Variants in LDLRAD4 observed in about 807,000 individuals in gnomAD.
The protein encoded by LDLRAD4 is low density lipoprotein receptor class A domain containing 4.
In LDLRAD4, 5 loss-of-function variants were observed where a neutral mutation model predicts 17.0. The observed-to-expected ratio is 0.29, with a 90% CI of 0.15 to 0.62. The LOEUF is 0.62. LDLRAD4 is among the 20% of genes least tolerant of loss of function. LDLRAD4 has a pLI of 0.84. For missense variants in LDLRAD4, 340 were observed against 424.7 expected, an observed-to-expected ratio of 0.80 and a Z score of 1.75; for synonymous variants, 168 against 171.8, an observed-to-expected ratio of 0.98 and a Z score of 0.17.
In LDLRAD4 at chr18:13,645,610, A is replaced by AT. The variant is rs755709002; in HGVS notation, c.875dup (p.Val293SerfsTer8). The stretch of plus-strand genomic sequence containing the variant: ...TCAGCAGAACAATGCAGAGAGCACA[A>AT]TAGTACCCATCAAAGGCAAAGATAG... On this transcript the variant is annotated frameshift_variant, in exon 6 of 6. Transcript: ENST00000359446. LOFTEE classifies it high-confidence loss of function. The surrounding 1 kb of genome is among the most constrained non-coding windows in gnomAD (Gnocchi z 5.7). The AT allele has an allele frequency of 2.2e-5, 34 of 1,536,506 alleles. No homozygotes were observed. Among genetic ancestry groups the AT allele is most frequent in the Non-Finnish European group, 3.0e-5 (34 of 1,142,354 alleles).
chr18:13,265,657 G>T (rs557785633), intron 1 of LDLRAD4, among the ~76,000 whole-genome samples: 1 of 152,254 alleles, frequency 6.6e-6, no homozygotes, highest in East Asian at 1.9e-4. Flanking sequence ...GTCATCTGGG[G>T]ACTGTCCTCC....
intron 3 of LDLRAD4, among the ~76,000 whole-genome samples, chr18:13,457,412 C>A (rs554360436): frequency 6.6e-6 from 1 of 152,336 alleles, no homozygotes; most frequent in Admixed American, 6.5e-5. Flanking sequence ...GCTCCCTGAA[C>A]CCTGTCCTCT....
intron 3 of LDLRAD4, among the ~76,000 whole-genome samples, chr18:13,601,658 AAAAAAAAAG>A (rs2095164091): frequency 6.6e-6 from 1 of 150,526 alleles, no homozygotes; most frequent in South Asian, 2.1e-4. Flanking sequence ...TGTCTGAAAA[AAAAAAAAAG>A]AAAAAAAAAG....
At chr18:13,493,893 A>G (rs1055893012) in intron 3 of LDLRAD4, among the ~76,000 whole-genome samples, 4 of 152,096 alleles carry the variant, frequency 2.6e-5, no homozygotes, top group Admixed American at 6.5e-5. Flanking sequence ...GCTTCCTCCC[A>G]TCTGTGTGCG....
intron 2 of LDLRAD4, among the ~76,000 whole-genome samples, chr18:13,405,345 A>C (rs2087631522): frequency 6.6e-6 from 1 of 152,132 alleles, no homozygotes; most frequent in African/African-American, 2.4e-5. Flanking sequence ...GTTATCTGAC[A>C]CTGAACCCAG....
intron 1 of LDLRAD4, among the ~76,000 whole-genome samples, chr18:13,361,222 C>T (rs751756287): frequency 4.6e-5 from 7 of 152,238 alleles, no homozygotes; most frequent in South Asian, 4.2e-4. Flanking sequence ...GGACTACAGG[C>T]GCCCACACTC....
At chr18:13,584,673 A>T (rs986278368) in intron 3 of LDLRAD4, among the ~76,000 whole-genome samples, 9 of 152,044 alleles carry the variant, frequency 5.9e-5, no homozygotes, top group African/African-American at 2.2e-4. Flanking sequence ...ACCACTTCTT[A>T]TTGTGCTTAA....
intron 1 of LDLRAD4, among the ~76,000 whole-genome samples, chr18:13,355,152 G>A (rs1052770433): frequency 6.6e-6 from 1 of 152,228 alleles, no homozygotes; most frequent in Non-Finnish European, 1.5e-5. Flanking sequence ...TGAGGCGCGT[G>A]CTCCTGCACT....
At chr18:13,497,850 G>A (rs1438921122) in intron 3 of LDLRAD4, among the ~76,000 whole-genome samples, 6 of 151,888 alleles carry the variant, frequency 4.0e-5, no homozygotes, top group East Asian at 3.9e-4. Flanking sequence ...ACGTCCCGCC[G>A]TGGACACTGG....
chr18:13,598,352 A>G (rs1428306257), intron 3 of LDLRAD4, among the ~76,000 whole-genome samples: 1 of 152,096 alleles, frequency 6.6e-6, no homozygotes. Flanking sequence ...TTTGCTTCAT[A>G]TTTCTGTCAA....
chr18:13,310,619 C>T (rs2047182102), intron 1 of LDLRAD4, among the ~76,000 whole-genome samples: 1 of 152,108 alleles, frequency 6.6e-6, no homozygotes, highest in Admixed American at 6.5e-5. Flanking sequence ...CCCGCCCCTT[C>T]ACCTCCTCTT....
At chr18:13,499,347 C>CTACT (rs2093567145) in intron 3 of LDLRAD4, among the ~76,000 whole-genome samples, 1 of 130,328 alleles carries the variant, frequency 7.7e-6, no homozygotes, top group African/African-American at 3.0e-5. Context: ...AGAATCCTTG[C>CTACT]CACACACGTC....
intron 3 of LDLRAD4, among the ~76,000 whole-genome samples, chr18:13,543,806 C>T (rs953405762): frequency 6.6e-6 from 1 of 152,194 alleles, no homozygotes; most frequent in Admixed American, 6.5e-5. Context: ...GTGAAACTTT[C>T]TGAGCCACAG....
intron 1 of LDLRAD4, among the ~76,000 whole-genome samples, chr18:13,363,942 T>G (rs1432757484): frequency 6.6e-6 from 1 of 152,220 alleles, no homozygotes; most frequent in Admixed American, 6.5e-5. Flanking sequence ...CTATGCTTGT[T>G]TCTTGTGGCA....
chr18:13,382,504 T>A (rs1259230879), intron 1 of LDLRAD4: 1 of 152,204 alleles, frequency 6.6e-6, no homozygotes, highest in Non-Finnish European at 1.5e-5. Context: ...TAACTGTTGC[T>A]CTGTTATGGG....
At chr18:13,504,765 C>T (rs73408305) in intron 3 of LDLRAD4, among the ~76,000 whole-genome samples, 4,881 of 152,266 alleles carry the variant, frequency 0.032, 252 homozygotes, top group African/African-American at 0.11. Flanking sequence ...CTTTCTCTTC[C>T]GAGAGAGGCA....
chr18:13,244,903 T>C (rs1483454492), intron 1 of LDLRAD4, among the ~76,000 whole-genome samples: 1 of 152,228 alleles, frequency 6.6e-6, no homozygotes, highest in East Asian at 1.9e-4. Flanking sequence ...TATGCCTCAT[T>C]AGCAATTTTG....
intron 3 of LDLRAD4, among the ~76,000 whole-genome samples, chr18:13,467,012 C>T (rs149816013): frequency 2.0e-5 from 3 of 152,292 alleles, no homozygotes; most frequent in Non-Finnish European, 4.4e-5. Context: ...AACATTCAGT[C>T]TATAGCAGGG....
intron 3 of LDLRAD4, among the ~76,000 whole-genome samples, chr18:13,616,697 G>C (rs867144503): frequency 2.0e-5 from 3 of 152,208 alleles, no homozygotes; most frequent in South Asian, 2.1e-4. Context: ...TGGGACCCAG[G>C]TATCCCTGGG....
Sources: allele counts gnomAD v4.1 joint callset (sites outside exome capture counted in the v4.1 genomes callset), GRCh38; gene constraint gnomAD v4.1.1; non-coding constraint Gnocchi (gnomAD v3.1); transcripts MANE v1.5; gene names NCBI Gene and HGNC (gene_info 2026-07-23, HGNC 2026-07-21).